Variants in FHIT observed in about 807,000 individuals in gnomAD.
The protein encoded by FHIT is fragile histidine triad diadenosine triphosphatase, also known as bis(5'-adenosyl)-triphosphatase.
In FHIT, 19 loss-of-function variants were observed where a neutral mutation model predicts 17.9. That is an observed-to-expected ratio of 1.06 (90% CI 0.74 to 1.56). FHIT has a LOEUF of 1.56. FHIT is among the 40% of genes most tolerant of loss of function. FHIT has a pLI of 0.00. For missense variants in FHIT, 248 were observed against 189.2 expected (o/e 1.31, Z -1.82); for synonymous variants, 81 against 69.7 (o/e 1.16, Z -0.81).
intron 5 of FHIT, among the ~76,000 whole-genome samples, chr3:60,405,824 C>T (rs9877008): frequency 1.3e-5 from 2 of 152,036 alleles, no homozygotes; most frequent in South Asian, 4.1e-4. Flanking sequence ...CCAACGACAT[C>T]AACTGTGCTA....
At chr3:60,331,415 T>G (rs539177461) in intron 5 of FHIT, among the ~76,000 whole-genome samples, 21 of 152,302 alleles carry the variant, frequency 1.4e-4, no homozygotes, top group Admixed American at 1.4e-3. Flanking sequence ...CTTAGTCACC[T>G]TGGGGTCAGG....
At chr3:60,050,940 T>C (rs1255565415) in intron 5 of FHIT, among the ~76,000 whole-genome samples, 3 of 152,176 alleles carry the variant, frequency 2.0e-5, no homozygotes, top group Non-Finnish European at 2.9e-5. Context: ...TCAACAGTCA[T>C]TGAGCTTGTC....
At chr3:60,840,341 A>G (rs566840196) in intron 3 of FHIT, among the ~76,000 whole-genome samples, 6 of 152,226 alleles carry the variant, frequency 3.9e-5, no homozygotes, top group African/African-American at 1.2e-4. Flanking sequence ...TTTTCTCTCT[A>G]TGACTGCTGT....
At chr3:60,107,459 G>T (rs919362812) in intron 5 of FHIT, among the ~76,000 whole-genome samples, 3 of 152,174 alleles carry the variant, frequency 2.0e-5, no homozygotes, top group Non-Finnish European at 4.4e-5. Context: ...GCATTGGGCA[G>T]CTTCTAACTG....
At chr3:59,962,312 TG>T (rs1707724210) in intron 7 of FHIT, among the ~76,000 whole-genome samples, 1 of 152,114 alleles carries the variant, frequency 6.6e-6, no homozygotes. Context: ...TTATACTGCC[TG>T]TTCTCAGTTT....
intron 4 of FHIT, among the ~76,000 whole-genome samples, chr3:60,723,590 T>A (rs185662865): frequency 2.0e-5 from 3 of 152,350 alleles, no homozygotes. Flanking sequence ...CTTAAGGAAC[T>A]AAGAGCATCC....
At chr3:60,168,641 A>C (rs1482664991) in intron 5 of FHIT, among the ~76,000 whole-genome samples, 1 of 152,214 alleles carries the variant, frequency 6.6e-6, no homozygotes, top group Non-Finnish European at 1.5e-5. Flanking sequence ...AAAGAAGATA[A>C]AGTGAAAAAG....
intron 4 of FHIT, among the ~76,000 whole-genome samples, chr3:60,719,181 A>G (rs1294817255): frequency 6.6e-6 from 1 of 152,216 alleles, no homozygotes; most frequent in South Asian, 2.1e-4. Flanking sequence ...GAAACACTAA[A>G]TAAGAACAAA....
intron 5 of FHIT, among the ~76,000 whole-genome samples, chr3:60,414,949 A>T (rs1702190510): frequency 6.6e-6 from 1 of 152,180 alleles, no homozygotes; most frequent in Admixed American, 6.5e-5. Flanking sequence ...CGTAGCTCTC[A>T]ACTTTAGTCT....
intron 1 of FHIT, among the ~76,000 whole-genome samples, chr3:61,242,704 T>C (rs1197034162): frequency 2.0e-5 from 3 of 152,166 alleles, no homozygotes; most frequent in Non-Finnish European, 4.4e-5. Context: ...AAGGATAATT[T>C]GGTGGGTAGC....
intron 5 of FHIT, among the ~76,000 whole-genome samples, chr3:60,340,387 T>C (rs1489184883): frequency 1.3e-5 from 2 of 152,282 alleles, no homozygotes; most frequent in Admixed American, 6.5e-5. Flanking sequence ...AAGTGGTACA[T>C]TGCCTCTGAT....
chr3:60,250,101 T>C (rs1297783141), intron 5 of FHIT, among the ~76,000 whole-genome samples: 2 of 149,660 alleles, frequency 1.3e-5, no homozygotes, highest in Non-Finnish European at 3.0e-5. Context: ...CCAAACCATA[T>C]CAGAGAAAAA....
chr3:61,053,664 GA>G lies in FHIT; in HGVS notation c.-163-11566del, dbSNP rs3054020. 1.4e-3 allele frequency among the ~76,000 whole-genome samples: 206 copies of G among 149,640 alleles called. 1 individual carries two copies. Among genetic ancestry groups the G allele is most frequent in the African/African-American group, 4.9e-3 (200 of 40,808 alleles). Reference sequence around the variant, plus strand: ...CAACAAGAGCAAAACTCCGTCTCAAGAAAAAAAAAATTGTGTTTAAAGTTTC... The same window carrying G: ...CAACAAGAGCAAAACTCCGTCTCAAGAAAAAAAAATTGTGTTTAAAGTTTC... On this transcript the variant is annotated intron_variant, in intron 2 of 9. Transcript: ENST00000492590.
At chr3:60,539,257 C>T (rs2036096177) in intron 4 of FHIT, among the ~76,000 whole-genome samples, 1 of 152,158 alleles carries the variant, frequency 6.6e-6, no homozygotes, top group Admixed American at 6.5e-5. Flanking sequence ...AATCTCACAC[C>T]AGCTAGAATG....
chr3:59,824,365 T>C (rs900048431), intron 8 of FHIT, among the ~76,000 whole-genome samples: 14 of 152,242 alleles, frequency 9.2e-5, no homozygotes, highest in African/African-American at 3.1e-4. Context: ...GTATCTTACA[T>C]GCACTGGCTT....
intron 3 of FHIT, among the ~76,000 whole-genome samples, chr3:60,916,072 T>G (rs1553767031): frequency 6.6e-6 from 1 of 152,210 alleles, no homozygotes; most frequent in Non-Finnish European, 1.5e-5. Context: ...GAGATGGTTC[T>G]GTATAGACCC....
At chr3:59,907,470 G>C (rs1451091111) in intron 8 of FHIT, among the ~76,000 whole-genome samples, 1 of 152,102 alleles carries the variant, frequency 6.6e-6, no homozygotes, top group African/African-American at 2.4e-5. Context: ...ATTCATGCAG[G>C]GATAAGGACA....
chr3:60,020,999 C>T (rs556201626), intron 5 of FHIT, among the ~76,000 whole-genome samples: 4 of 152,178 alleles, frequency 2.6e-5, no homozygotes, highest in Admixed American at 6.5e-5. Context: ...TTAACATACT[C>T]ATTTCAGTAA....
At chr3:60,416,183 T>C (rs1483853148) in intron 5 of FHIT, among the ~76,000 whole-genome samples, 1 of 151,876 alleles carries the variant, frequency 6.6e-6, no homozygotes, top group Non-Finnish European at 1.5e-5. Flanking sequence ...CAGCAAAATA[T>C]CACAAAATTC....
Sources: gnomAD v4.1 joint callset for allele counts (sites outside exome capture counted in the v4.1 genomes callset) on GRCh38, gnomAD v4.1.1 for gene constraint, MANE v1.5 for transcripts, NCBI Gene and HGNC (gene_info 2026-07-23, HGNC 2026-07-21) for gene names.